The following MALRD1 variants were observed in gnomAD, a reference collection of about 807,000 sequenced individuals.
MALRD1 encodes MAM and LDL receptor class A domain containing 1, also known as MAM and LDL-receptor class A domain-containing protein 1.
Under a neutral mutation model 242.1 loss-of-function variants are expected in MALRD1, and 247 were observed. That is an observed-to-expected ratio of 1.02 (90% CI 0.92 to 1.13). MALRD1 has a LOEUF of 1.13. MALRD1 is among the 50% of genes most tolerant of loss of function. The pLI, the probability that MALRD1 is intolerant of heterozygous loss-of-function variation, is 0.00. For synonymous variants in MALRD1, 995 were observed against 866.6 expected (o/e 1.15, Z -2.60); for missense variants, 2,989 against 2,533.1 (o/e 1.18, Z -3.86).
At position 19,545,982 on chromosome 10, in the gene MALRD1, C is replaced by T. The variant is rs187361213; in HGVS notation, c.5478+14631C>T. ...GAATGCTTCCCCCTTTCATATTTGC[C>T]TGTTAGGTATGACTGACACCCAAAT... On this transcript the variant is annotated intron_variant, in intron 32 of 39. Coordinates refer to ENST00000454679, the MANE Select transcript of MALRD1 (RefSeq NM_001142308.3). 1.1e-4 allele frequency among the ~76,000 whole-genome samples: 16 copies of T among 152,204 alleles called. No individual in the cohort carries two copies. The East Asian group carries it at 2.7e-3, about 26-fold the overall frequency.
chr10:19,655,339 A>G (rs890818250), intron 36 of MALRD1, among the ~76,000 whole-genome samples: 6 of 151,846 alleles, frequency 4.0e-5, no homozygotes, highest in African/African-American at 4.8e-5. Flanking sequence ...AGGAAGAGAC[A>G]AGTAATTTTA....
chr10:19,689,029 A>G (rs1842713620), intron 36 of MALRD1, among the ~76,000 whole-genome samples: 1 of 152,224 alleles, frequency 6.6e-6, no homozygotes, highest in Admixed American at 6.5e-5. Flanking sequence ...ACAGCAACAA[A>G]AAGTTTGCAC....
At chr10:19,158,345 G>C (rs1277638880) in intron 12 of MALRD1, among the ~76,000 whole-genome samples, 1 of 152,088 alleles carries the variant, frequency 6.6e-6, no homozygotes, top group Non-Finnish European at 1.5e-5. Flanking sequence ...TCTCCAACTT[G>C]TTTTGCAATT....
intron 34 of MALRD1, among the ~76,000 whole-genome samples, chr10:19,605,289 G>T (rs1032648143): frequency 1.3e-5 from 2 of 151,150 alleles, no homozygotes; most frequent in African/African-American, 4.9e-5. Flanking sequence ...CAAGTAGCTG[G>T]CACTACAGGC....
chr10:19,292,598 C>T (rs1289659290), intron 21 of MALRD1, among the ~76,000 whole-genome samples: 1 of 152,058 alleles, frequency 6.6e-6, no homozygotes, highest in African/African-American at 2.4e-5. Context: ...CTAAAAGCCA[C>T]ATAAATAATG....
intron 12 of MALRD1, among the ~76,000 whole-genome samples, chr10:19,164,741 C>T (rs373633676): frequency 2.3e-4 from 35 of 152,120 alleles, no homozygotes; most frequent in South Asian, 2.3e-3. Flanking sequence ...AATAACAGTA[C>T]GCAATTTCAT....
At chr10:19,473,458 C>A (rs1589131088) in intron 29 of MALRD1, among the ~76,000 whole-genome samples, 1 of 151,918 alleles carries the variant, frequency 6.6e-6, no homozygotes, top group South Asian at 2.1e-4. Flanking sequence ...AATTCTGTAC[C>A]TGTTGACAAT....
chr10:19,571,188 CATT>C (rs1246589896), intron 33 of MALRD1, among the ~76,000 whole-genome samples: 2 of 152,106 alleles, frequency 1.3e-5, no homozygotes, highest in African/African-American at 4.8e-5. Context: ...GCAGAATAAA[CATT>C]ATGAGTGAGC....
Position 19,348,314 on chromosome 10 carries a change from G to T in MALRD1, c.4149+296G>T, listed in dbSNP as rs1844222331. ...ACCATGTATAATACAGAAGAAGTAAGATATCAGTTGTTTTCTCTTAAGAAG... is the reference window on the plus strand; with the variant it reads ...ACCATGTATAATACAGAAGAAGTAATATATCAGTTGTTTTCTCTTAAGAAG... On this transcript the variant is annotated intron_variant, in intron 25 of 39. Coordinates refer to ENST00000454679, the MANE Select transcript of MALRD1 (RefSeq NM_001142308.3). Among the ~76,000 whole-genome samples, 5 of 152,030 alleles carry T rather than the reference G, an allele frequency of 3.3e-5. No individual in the cohort carries two copies. In the South Asian group the frequency reaches 1.0e-3, roughly 32 times the overall value.
At position 19,127,419 on chromosome 10, in the gene MALRD1, C is replaced by T. The variant is rs74364900; in HGVS notation, c.944-802C>T. ...TAGTATTTGCTGTAGCTGTAAATAT[C>T]TGAGGCTAAAATTTGCTCTCATGTT... On this transcript the variant is annotated intron_variant, in intron 7 of 39. Transcript: ENST00000454679. 7.8e-4 allele frequency among the ~76,000 whole-genome samples: 119 copies of T among 152,224 alleles called. 1 individual carries two copies. The East Asian group carries it at 0.02, about 25-fold the overall frequency.
At chr10:19,214,433 G>A (rs1355659189) in intron 18 of MALRD1, among the ~76,000 whole-genome samples, 1 of 152,140 alleles carries the variant, frequency 6.6e-6, no homozygotes, top group African/African-American at 2.4e-5. Flanking sequence ...ACTCCATCAT[G>A]GTCATTGCAG....
chr10:19,668,308 C>T (rs374483152), intron 36 of MALRD1, among the ~76,000 whole-genome samples: 1 of 152,254 alleles, frequency 6.6e-6, no homozygotes, highest in South Asian at 2.1e-4. Flanking sequence ...GGAAGTATTT[C>T]TCAATGGGGA....
chr10:19,064,034 G>A (rs796848162), intron 1 of MALRD1, among the ~76,000 whole-genome samples: 26 of 152,160 alleles, frequency 1.7e-4, no homozygotes, highest in African/African-American at 5.8e-4. Flanking sequence ...TTCTTTAGGG[G>A]TTCTATAATG....
intron 28 of MALRD1, among the ~76,000 whole-genome samples, chr10:19,427,693 G>GTTA (rs1446059872): frequency 6.6e-6 from 1 of 152,032 alleles, no homozygotes; most frequent in Non-Finnish European, 1.5e-5. Flanking sequence ...GCTTCTAGGG[G>GTTA]TTATTATTGG....
At chr10:19,454,830 A>C (rs185379851) in intron 29 of MALRD1, among the ~76,000 whole-genome samples, 1 of 151,926 alleles carries the variant, frequency 6.6e-6, no homozygotes, top group Admixed American at 6.6e-5. Flanking sequence ...TTTAAGTTTC[A>C]TATTTCTTTC....
chr10:19,708,914 C>T (rs1448369881), intron 38 of MALRD1, among the ~76,000 whole-genome samples: 3 of 121,702 alleles, frequency 2.5e-5, no homozygotes, highest in African/African-American at 7.8e-5. Context: ...CTGCCCGCCT[C>T]GGCCTCCCAA....
intron 38 of MALRD1, among the ~76,000 whole-genome samples, chr10:19,723,127 G>C (rs1257421506): frequency 6.6e-6 from 1 of 152,098 alleles, no homozygotes; most frequent in Non-Finnish European, 1.5e-5. Context: ...TCGGATTTTA[G>C]GATATTGTCT....
intron 38 of MALRD1, chr10:19,724,846 G>C (rs1834944667): frequency 1.3e-5 from 2 of 152,108 alleles, no homozygotes. Flanking sequence ...CCACAAGAAA[G>C]CTACTAGAGC....
intron 11 of MALRD1, among the ~76,000 whole-genome samples, chr10:19,149,151 A>T (rs1564423953): frequency 2.0e-5 from 3 of 151,678 alleles, no homozygotes; most frequent in Admixed American, 6.6e-5. Flanking sequence ...AGTCTCACTT[A>T]GTTGCTCAGG....
Sources: gnomAD v4.1 joint callset for allele counts (sites outside exome capture counted in the v4.1 genomes callset) on GRCh38, gnomAD v4.1.1 for gene constraint, MANE v1.5 for transcripts, NCBI Gene and HGNC (gene_info 2026-07-23, HGNC 2026-07-21) for gene names.